UBN2: variants seen among roughly 807,000 people sequenced by gnomAD.
UBN2 encodes ubinuclein 2.
In UBN2, 35 loss-of-function variants were observed where a neutral mutation model predicts 120.2. That is an observed-to-expected ratio of 0.29 (90% CI 0.22 to 0.39). The LOEUF (loss-of-function observed/expected upper bound fraction) is 0.39, where lower values mean the gene tolerates loss of function less well. Among genes scored for constraint, UBN2 ranks in the 10% least tolerant of loss-of-function variants. The pLI is 1.00. For missense variants in UBN2, 1,693 were observed against 1,663.2 expected, an observed-to-expected ratio of 1.02 and a Z score of -0.31; for synonymous variants, 661 against 648.7, an observed-to-expected ratio of 1.02 and a Z score of -0.29.
At chr7:139,251,557 T>A (rs1796624979) in intron 2 of UBN2, among the ~76,000 whole-genome samples, 1 of 152,258 alleles carries the variant, frequency 6.6e-6, no homozygotes, top group African/African-American at 2.4e-5. Context: ...ACTCATTTCA[T>A]AGAATGTCCA....
chr7:139,295,408 G>T (rs1668913107), intron 17 of UBN2, among the ~76,000 whole-genome samples: 1 of 152,052 alleles, frequency 6.6e-6, no homozygotes, highest in Admixed American at 6.6e-5. Context: ...ACAGCTGCTT[G>T]GTATAATGAA....
intron 11 of UBN2, among the ~76,000 whole-genome samples, chr7:139,275,092 G>A (rs1797401908): frequency 5.3e-5 from 8 of 151,162 alleles, no homozygotes; most frequent in Admixed American, 4.0e-4. Context: ...AGCCTGGCCA[G>A]CATGGTGAAA....
chr7:139,282,130 T>C, intron 14 of UBN2, 75 bp downstream of exon 14: 1 of 1,347,868 alleles, frequency 7.4e-7, no homozygotes, highest in Non-Finnish European at 1.1e-6. Context: ...AAGAAACTAA[T>C]TGAAGAGACT....
chr7:139,302,667 A>G lies in UBN2; in HGVS notation c.*4831A>G, dbSNP rs1428870517. The G allele has an allele frequency of 6.6e-6, 1 of 152,248 alleles. No homozygotes were observed. The highest frequency in any genetic ancestry group is 1.9e-4 in the East Asian group (1 of 5,198). The allele number at this position is 152,248 out of a possible 1,614,324, so 9.4% of individuals were successfully genotyped here. A position where few individuals can be genotyped will look rare whatever the true frequency, so the allele number is the denominator to read the frequency against. On this transcript the variant is annotated 3_prime_UTR_variant, in exon 18 of 18. Transcript: ENST00000473989. Reference sequence around the variant, plus strand: ...GCCACTGCACTCCAGCCTGGGCGACAGAGCAAGACTCCGTCTCAAAAAAAG... The same window carrying G: ...GCCACTGCACTCCAGCCTGGGCGACGGAGCAAGACTCCGTCTCAAAAAAAG...
In UBN2 at chr7:139,279,800, G is replaced by T. The variant is rs1430591643; in HGVS notation, c.2067+440G>T. On this transcript the variant is annotated intron_variant, in intron 13 of 17. Transcript: ENST00000473989. ...TTCTTCTCAGAGCATAGCAGTTAGG[G>T]TTTTCTTGGGCTTGTACAGGTTAAA... Among the ~76,000 whole-genome samples, 3 of 152,230 alleles carry T rather than the reference G, an allele frequency of 2.0e-5. No homozygotes were observed. In the East Asian group the frequency reaches 5.8e-4, roughly 29 times the overall value.
At chr7:139,326,205 A>G in the UBN2 span, among the ~76,000 whole-genome samples, 1 of 152,170 alleles carries the variant, frequency 6.6e-6, no homozygotes, top group Non-Finnish European at 1.5e-5. Flanking sequence ...GCAGTGAGCC[A>G]AGATTGTGCC....
intron 8 of UBN2, among the ~76,000 whole-genome samples, 167 bp from the exon 9 acceptor site, chr7:139,272,155 G>A (rs948478483): frequency 2.0e-5 from 3 of 152,102 alleles, no homozygotes; most frequent in Non-Finnish European, 2.9e-5. Context: ...TGTATCCAGT[G>A]TGTCTTAGGA....
chr7:139,276,264 T>C, intron 12 of UBN2, 117 bp downstream of exon 12: 1 of 1,000,734 alleles, frequency 1.0e-6, no homozygotes. Flanking sequence ...ATTTTGACCA[T>C]TGACTATTTA....
the UBN2 span, among the ~76,000 whole-genome samples, chr7:139,318,549 C>T: frequency 6.6e-6 from 1 of 152,130 alleles, no homozygotes; most frequent in South Asian, 2.1e-4. Context: ...TATGCCCAGG[C>T]CAGAATGCAG....
intron 13 of UBN2, among the ~76,000 whole-genome samples, chr7:139,280,419 A>C (rs73468706): frequency 0.019 from 2,879 of 152,320 alleles, 96 homozygotes; most frequent in African/African-American, 0.065. Flanking sequence ...AAAAACTATA[A>C]TCATTTGAAA....
the UBN2 span, among the ~76,000 whole-genome samples, chr7:139,324,069 G>A: frequency 6.6e-5 from 10 of 152,072 alleles, no homozygotes; most frequent in South Asian, 2.1e-4. Flanking sequence ...CCTAATTCCC[G>A]CTGCCATTCT....
intron 15 of UBN2, among the ~76,000 whole-genome samples, chr7:139,290,965 G>A (rs1174126657): frequency 6.6e-6 from 1 of 152,180 alleles, no homozygotes; most frequent in African/African-American, 2.4e-5. Flanking sequence ...AAAATAATCA[G>A]TCCTTAATTA....
At chr7:139,240,201 A>G (rs1031565343) in intron 2 of UBN2, among the ~76,000 whole-genome samples, 2 of 151,842 alleles carry the variant, frequency 1.3e-5, no homozygotes, top group East Asian at 3.9e-4. Flanking sequence ...TTACTGTCTT[A>G]TTTCCATTCT....
At chr7:139,318,691 AAAG>A in the UBN2 span, among the ~76,000 whole-genome samples, 1 of 152,120 alleles carries the variant, frequency 6.6e-6, no homozygotes, top group African/African-American at 2.4e-5. Flanking sequence ...GCCTGGATTT[AAAG>A]AAGAAGGATT....
chr7:139,293,789 C>A, intron 16 of UBN2, 100 bp from the exon 17 acceptor site: 2 of 1,100,974 alleles, frequency 1.8e-6, no homozygotes, highest in South Asian at 1.3e-5. Context: ...CCTTCGAAGT[C>A]AGGTGCTGTG....
chr7:139,261,173 A>G, intron 5 of UBN2, 79 bp from the exon 6 acceptor site: 1 of 1,473,608 alleles, frequency 6.8e-7, no homozygotes. Context: ...TATTATTTTA[A>G]TTCTGTGCCT....
At chr7:139,323,833 C>A in the UBN2 span, among the ~76,000 whole-genome samples, 1 of 151,870 alleles carries the variant, frequency 6.6e-6, no homozygotes, top group Non-Finnish European at 1.5e-5. Context: ...TTTTTTTGTA[C>A]TCATGCAAGT....
intron 6 of UBN2, among the ~76,000 whole-genome samples, chr7:139,264,175 C>T (rs76444910): frequency 0.025 from 3,852 of 152,202 alleles, 148 homozygotes; most frequent in African/African-American, 0.08. Context: ...TTAAAAAAAT[C>T]GTTTATTTCA....
intron 14 of UBN2, among the ~76,000 whole-genome samples, chr7:139,282,331 CT>C (rs1272896154): frequency 6.6e-6 from 1 of 152,150 alleles, no homozygotes; most frequent in Non-Finnish European, 1.5e-5. Context: ...TCTAACAACT[CT>C]TAGGTATTCA....
Sources: allele counts gnomAD v4.1 joint callset (sites outside exome capture counted in the v4.1 genomes callset), GRCh38; gene constraint gnomAD v4.1.1; transcripts MANE v1.5; gene names NCBI Gene and HGNC (gene_info 2026-07-23, HGNC 2026-07-21).